The following ANKS1A variants were observed in gnomAD, a reference collection of about 807,000 sequenced individuals.
ANKS1A encodes the protein ankyrin repeat and sterile alpha motif domain containing 1A, also known as ankyrin repeat and SAM domain-containing protein 1A.
In ANKS1A, 55 loss-of-function variants were observed where a neutral mutation model predicts 120.3. The observed-to-expected ratio is 0.46, with a 90% CI of 0.37 to 0.57. The LOEUF (loss-of-function observed/expected upper bound fraction) is 0.57, where lower values mean the gene tolerates loss of function less well. ANKS1A is among the 20% of genes least tolerant of loss of function. ANKS1A has a pLI of 0.00. For missense variants in ANKS1A, 1,123 were observed against 1,480.3 expected (o/e 0.76, Z 3.96); for synonymous variants, 590 against 604.7 (o/e 0.98, Z 0.36).
intron 1 of ANKS1A, among the ~76,000 whole-genome samples, chr6:34,898,150 A>G (rs1011539196): frequency 1.3e-5 from 2 of 152,222 alleles, no homozygotes; most frequent in Non-Finnish European, 2.9e-5. Context: ...GCCACCCTTG[A>G]TGAATCAGAG....
At position 34,933,962 on chromosome 6, in the gene ANKS1A, G is replaced by T. The variant is rs1370172672; in HGVS notation, c.198-33277G>T. On this transcript the variant is annotated intron_variant, in intron 1 of 23. Transcript: ENST00000360359. ...TGTGGACCTAAACCAAGATACCATG[G>T]TGTTAGGAGGAATGAAATGGAGACG... is the stretch of plus-strand genomic sequence containing the variant. 3.3e-5 allele frequency among the ~76,000 whole-genome samples: 5 copies of T among 152,150 alleles called. No individual in the cohort carries two copies. The South Asian group carries it at 1.0e-3, about 32-fold the overall frequency.
At chr6:35,078,842 C>T (rs1257582288) in intron 14 of ANKS1A, among the ~76,000 whole-genome samples, 186 bp downstream of exon 14, 1 of 152,234 alleles carries the variant, frequency 6.6e-6, no homozygotes, top group Non-Finnish European at 1.5e-5. Context: ...TCACTATGCC[C>T]TAAGGCCCTT....
chr6:35,077,849 C>G (rs1303080156), intron 13 of ANKS1A, among the ~76,000 whole-genome samples: 1 of 152,162 alleles, frequency 6.6e-6, no homozygotes, highest in Non-Finnish European at 1.5e-5. Flanking sequence ...GTGGGATGCG[C>G]CAGGTGAAAG....
chr6:35,072,500 C>G (rs1449541730), intron 13 of ANKS1A, among the ~76,000 whole-genome samples: 3 of 152,254 alleles, frequency 2.0e-5, no homozygotes, highest in Admixed American at 2.0e-4. Flanking sequence ...TCTACAAACC[C>G]AGCCCCTTAC....
In ANKS1A at chr6:34,889,644, C is replaced by T; in HGVS notation, c.197+45C>T. 1 of 1,263,630 alleles carries T rather than the reference C, an allele frequency of 7.9e-7. No individual in the cohort carries two copies. The highest frequency in any genetic ancestry group is 9.9e-7 in the Non-Finnish European group (1 of 1,005,978). 78.3% of individuals were successfully genotyped at this position (1,263,630 alleles called of 1,614,324 possible). A position where few individuals can be genotyped will look rare whatever the true frequency, so the allele number is the denominator to read the frequency against. On this transcript the variant is annotated intron_variant, in intron 1 of 23. Coordinates refer to ENST00000360359, the MANE Select transcript of ANKS1A (RefSeq NM_015245.3). The surrounding 1 kb of genome is among the most constrained non-coding windows in gnomAD (Gnocchi z 5.5). The stretch of plus-strand genomic sequence containing the variant: ...GGGCCGCTGCCTGCAGACCCTTTCT[C>T]CCCCACCCGTCTCTTGGGTCCCCAG...
chr6:35,003,206 T>A (rs1773260313), intron 10 of ANKS1A, among the ~76,000 whole-genome samples: 1 of 152,150 alleles, frequency 6.6e-6, no homozygotes, highest in Admixed American at 6.5e-5. Context: ...ATTATAGGCC[T>A]GCTACTTAGG....
chr6:35,000,343 A>T (rs566321893), intron 10 of ANKS1A, among the ~76,000 whole-genome samples: 1 of 152,300 alleles, frequency 6.6e-6, no homozygotes, highest in African/African-American at 2.4e-5. Context: ...ATCCCAAACT[A>T]ACAAGGTTTT....
At chr6:34,981,585 G>A (rs1402755492) in intron 3 of ANKS1A, 105 bp from the exon 4 acceptor site, 3 of 1,250,654 alleles carry the variant, frequency 2.4e-6, no homozygotes, top group Middle Eastern at 2.1e-4. Context: ...AAGTGTTGCT[G>A]CTATTTTTCT....
At chr6:35,037,273 C>G (rs991258272) in intron 11 of ANKS1A, among the ~76,000 whole-genome samples, 35 of 152,298 alleles carry the variant, frequency 2.3e-4, no homozygotes, top group African/African-American at 7.7e-4. Context: ...CTGTTGATGA[C>G]TTCCCTAATT....
chr6:35,047,669 AC>A (rs551892620), intron 11 of ANKS1A, among the ~76,000 whole-genome samples: 133 of 152,344 alleles, frequency 8.7e-4, no homozygotes, highest in Middle Eastern at 6.8e-3. Flanking sequence ...TTGGCTTATA[AC>A]CCAGAGTTAT....
intron 11 of ANKS1A, among the ~76,000 whole-genome samples, chr6:35,038,899 A>C (rs73403830): frequency 0.047 from 7,119 of 152,270 alleles, 257 homozygotes; most frequent in African/African-American, 0.1. Flanking sequence ...ATAATTATAG[A>C]TTCACAGGAA....
intron 1 of ANKS1A, among the ~76,000 whole-genome samples, chr6:34,956,307 A>G (rs1156683780): frequency 6.7e-6 from 1 of 149,092 alleles, no homozygotes; most frequent in Non-Finnish European, 1.5e-5. Context: ...TTGAGGTTTT[A>G]TTTGGCTCCT....
chr6:34,943,832 C>T (rs192972871), intron 1 of ANKS1A, among the ~76,000 whole-genome samples: 47 of 152,268 alleles, frequency 3.1e-4, no homozygotes, highest in Non-Finnish European at 5.6e-4. Flanking sequence ...CAAGTTTTGG[C>T]AGTTATGAAT....
At chr6:35,068,106 C>A (rs1776872788) in intron 13 of ANKS1A, among the ~76,000 whole-genome samples, 1 of 152,140 alleles carries the variant, frequency 6.6e-6, no homozygotes, top group Non-Finnish European at 1.5e-5. Flanking sequence ...GTTGGCCAGG[C>A]TGGTCTTGAA....
At chr6:35,018,760 A>T (rs901310666) in intron 11 of ANKS1A, among the ~76,000 whole-genome samples, 8 of 152,018 alleles carry the variant, frequency 5.3e-5, no homozygotes, top group African/African-American at 1.5e-4. Flanking sequence ...CCCAATGTTT[A>T]AGGGAGAACA....
intron 1 of ANKS1A, among the ~76,000 whole-genome samples, chr6:34,921,751 G>T (rs1383936531): frequency 6.6e-6 from 1 of 152,194 alleles, no homozygotes. Context: ...AGGCTGGAGT[G>T]CAATGGCACA....
At chr6:34,930,043 T>C (rs541623028) in intron 1 of ANKS1A, among the ~76,000 whole-genome samples, 62 of 152,294 alleles carry the variant, frequency 4.1e-4, no homozygotes, top group Admixed American at 1.0e-3. Flanking sequence ...TCGATAGCTG[T>C]TACCTTTCCC....
At position 35,050,003 on chromosome 6, in the gene ANKS1A, C is replaced by T. The variant is rs140220976; in HGVS notation, c.2011-4096C>T. ...AAAAAGCTAGTTGTCATCTGCGTGG[C>T]TCTGCCGCCTGGTGATGGGGGATGG... On this transcript the variant is annotated intron_variant, in intron 11 of 23. Coordinates refer to ENST00000360359, the MANE Select transcript of ANKS1A (RefSeq NM_015245.3). The surrounding 1 kb of genome is among the most constrained non-coding windows in gnomAD (Gnocchi z 4.3). Among the ~76,000 whole-genome samples, 130 of 152,294 alleles carry T rather than the reference C, an allele frequency of 8.5e-4. 1 individual carries two copies. Among genetic ancestry groups the T allele is most frequent in the Middle Eastern group, 6.8e-3 (2 of 294 alleles).
chr6:34,903,458 A>G (rs1374554323), intron 1 of ANKS1A, among the ~76,000 whole-genome samples: 1 of 150,192 alleles, frequency 6.7e-6, no homozygotes, highest in Non-Finnish European at 1.5e-5. Flanking sequence ...TTGAGTAGCT[A>G]GGACTACAGG....
Sources: allele counts gnomAD v4.1 joint callset (sites outside exome capture counted in the v4.1 genomes callset), GRCh38; gene constraint gnomAD v4.1.1; non-coding constraint Gnocchi (gnomAD v3.1); transcripts MANE v1.5; gene names NCBI Gene and HGNC (gene_info 2026-07-23, HGNC 2026-07-21).